Variants in MDGA2 observed in about 807,000 individuals in gnomAD.
The protein encoded by MDGA2 is MAM domain containing glycosylphosphatidylinositol anchor 2.
MDGA2 carries 40 observed loss-of-function variants against 117.8 expected under a neutral mutation model. That is an observed-to-expected ratio of 0.34 (90% confidence interval 0.26 to 0.44). MDGA2 has a LOEUF of 0.44. Ranked by LOEUF, MDGA2 falls within the 20% of genes least tolerant of loss-of-function variation. The pLI is 1.00. For synonymous variants in MDGA2, 452 were observed against 439.0 expected (o/e 1.03, Z -0.37); for missense variants, 1,123 against 1,250.6 (o/e 0.90, Z 1.54).
intron 1 of MDGA2, among the ~76,000 whole-genome samples, chr14:47,536,597 A>G (rs1895215765): frequency 6.6e-6 from 1 of 152,234 alleles, no homozygotes; most frequent in Admixed American, 6.5e-5. Flanking sequence ...ACCAGAATAT[A>G]TTTATACCGT....
chr14:47,604,494 C>CA (rs369474516), intron 1 of MDGA2, among the ~76,000 whole-genome samples: 2 of 130,780 alleles, frequency 1.5e-5, no homozygotes, highest in African/African-American at 2.9e-5. Flanking sequence ...CCCACCCCCC[C>CA]CCACCCTCAC....
In MDGA2 at chr14:46,976,124, T is replaced by C. The variant is rs1046466018; in HGVS notation, c.1820-18481A>G. Reference sequence around the variant, plus strand: ...CAGTTCTACAAGATGAAAAGTGTTATGAAGATGGATGACAGTGTTGGATAC... The same window carrying C: ...CAGTTCTACAAGATGAAAAGTGTTACGAAGATGGATGACAGTGTTGGATAC... On this transcript the variant is annotated intron_variant, in intron 8 of 16. Transcript: ENST00000399232. Among the ~76,000 whole-genome samples the C allele has an allele frequency of 2.0e-5, 3 of 152,154 alleles. No individual in the cohort carries two copies. The South Asian group carries it at 6.2e-4, about 31-fold the overall frequency.
intron 1 of MDGA2, among the ~76,000 whole-genome samples, chr14:47,592,606 G>A (rs755128965): frequency 2.6e-5 from 4 of 151,994 alleles, no homozygotes; most frequent in Non-Finnish European, 4.4e-5. Flanking sequence ...TCTGATCTTC[G>A]ACAAACCTGA....
At chr14:47,074,577 GGCGTGA>G (rs1890421971) in intron 6 of MDGA2, among the ~76,000 whole-genome samples, 1 of 152,218 alleles carries the variant, frequency 6.6e-6, no homozygotes, top group Non-Finnish European at 1.5e-5. Flanking sequence ...TGGGATTACA[GGCGTGA>G]GCCACCGCGC....
At position 47,082,227 on chromosome 14, in the gene MDGA2, C is replaced by T. The variant is rs551418348; in HGVS notation, c.1195+14627G>A. Reference sequence around the variant, plus strand: ...GGTCACTGGCAGCTGATCAACACTCCCATAGAGAAAAAAGAAAAACCAATG... The same window carrying T: ...GGTCACTGGCAGCTGATCAACACTCTCATAGAGAAAAAAGAAAAACCAATG... On this transcript the variant is annotated intron_variant, in intron 6 of 16. Transcript: ENST00000399232. Among the ~76,000 whole-genome samples the T allele has an allele frequency of 2.0e-5, 3 of 151,506 alleles. No individual in the cohort carries two copies. In the South Asian group the frequency reaches 6.3e-4, roughly 32 times the overall value.
At chr14:47,142,308 G>A (rs1248731651) in intron 4 of MDGA2, among the ~76,000 whole-genome samples, 1 of 152,122 alleles carries the variant, frequency 6.6e-6, no homozygotes, top group African/African-American at 2.4e-5. Flanking sequence ...GCCCAGTGTG[G>A]TGGCAGGTGC....
intron 10 of MDGA2, among the ~76,000 whole-genome samples, chr14:46,917,306 A>T (rs1274137210): frequency 6.6e-6 from 1 of 152,348 alleles, no homozygotes; most frequent in East Asian, 1.9e-4. Flanking sequence ...CTTTTAAAAA[A>T]TCTGTATACA....
chr14:46,957,911 C>G (rs1595068767), intron 8 of MDGA2, among the ~76,000 whole-genome samples: 1 of 152,144 alleles, frequency 6.6e-6, no homozygotes, highest in African/African-American at 2.4e-5. Context: ...GTACCTCTTT[C>G]AGCAAATATT....
intron 8 of MDGA2, among the ~76,000 whole-genome samples, chr14:47,001,173 G>T (rs1377225095): frequency 6.6e-6 from 1 of 151,854 alleles, no homozygotes; most frequent in Non-Finnish European, 1.5e-5. Flanking sequence ...TATGCAGCCA[G>T]GTTAGGAATA....
intron 1 of MDGA2, among the ~76,000 whole-genome samples, chr14:47,302,919 CT>C (rs1889329754): frequency 6.6e-6 from 1 of 152,126 alleles, no homozygotes. Context: ...ATGTCCAGCT[CT>C]TTCTAGGTAC....
At chr14:47,417,255 CCA>C (rs2138499282) in intron 1 of MDGA2, among the ~76,000 whole-genome samples, 1 of 152,296 alleles carries the variant, frequency 6.6e-6, no homozygotes, top group South Asian at 2.1e-4. Flanking sequence ...CGAAGCCAAA[CCA>C]CACACTCAAC....
At chr14:47,341,075 T>G (rs1285273381) in intron 1 of MDGA2, among the ~76,000 whole-genome samples, 2 of 152,198 alleles carry the variant, frequency 1.3e-5, no homozygotes, top group Non-Finnish European at 2.9e-5. Flanking sequence ...AGCTTGTTGT[T>G]GCTTTCTATA....
At chr14:47,418,752 T>G (rs1242702863) in intron 1 of MDGA2, among the ~76,000 whole-genome samples, 1 of 152,166 alleles carries the variant, frequency 6.6e-6, no homozygotes, top group Non-Finnish European at 1.5e-5. Flanking sequence ...CTTCCTTACT[T>G]CATTTTCCAA....
chr14:46,902,251 T>C (rs1883315753), intron 10 of MDGA2, among the ~76,000 whole-genome samples: 1 of 152,202 alleles, frequency 6.6e-6, no homozygotes, highest in Non-Finnish European at 1.5e-5. Context: ...ATTACTATTT[T>C]TGTTTACTTC....
At chr14:46,877,596 G>C (rs1439550385) in intron 11 of MDGA2, 87 bp from the exon 12 acceptor site, 21 of 908,110 alleles carry the variant, frequency 2.3e-5, no homozygotes, top group Non-Finnish European at 3.5e-5. Flanking sequence ...TCTAATCAGT[G>C]TCTCATAGTT....
chr14:46,880,822 A>G (rs950552681), intron 11 of MDGA2, among the ~76,000 whole-genome samples: 2 of 150,914 alleles, frequency 1.3e-5, no homozygotes, highest in South Asian at 2.1e-4. Flanking sequence ...AAAAAAAAAA[A>G]AAAAGAAAGA....
intron 1 of MDGA2, among the ~76,000 whole-genome samples, chr14:47,531,129 C>A (rs999332148): frequency 1.6e-4 from 24 of 152,170 alleles, no homozygotes; most frequent in Non-Finnish European, 2.2e-4. Flanking sequence ...CCTGTAGTCC[C>A]AGCTACTCGG....
intron 9 of MDGA2, among the ~76,000 whole-genome samples, chr14:46,923,845 T>A (rs1184929781): frequency 6.6e-6 from 1 of 152,076 alleles, no homozygotes; most frequent in African/African-American, 2.4e-5. Context: ...CTTATAATAA[T>A]CTTGGGCTTT....
Position 47,378,370 on chromosome 14 carries a change from TG to T in MDGA2, c.281-76821del, listed in dbSNP as rs773738107. Among the ~76,000 whole-genome samples, 18 of 152,310 alleles carry T rather than the reference TG, an allele frequency of 1.2e-4. No homozygotes were observed. In the East Asian group the frequency reaches 2.5e-3, roughly 21 times the overall value. Reference sequence around the variant, plus strand: ...AAAGCTGGACAGAGAATGAATTTGATGAGTTGAGTGAATAAGGCTTCAGACG... The same window carrying T: ...AAAGCTGGACAGAGAATGAATTTGATAGTTGAGTGAATAAGGCTTCAGACG... On this transcript the variant is annotated intron_variant, in intron 1 of 16. Transcript: ENST00000399232.
Sources: gnomAD v4.1 joint callset for allele counts (sites outside exome capture counted in the v4.1 genomes callset) on GRCh38, gnomAD v4.1.1 for gene constraint, MANE v1.5 for transcripts, NCBI Gene and HGNC (gene_info 2026-07-23, HGNC 2026-07-21) for gene names.